Variants in FAM200B observed in about 807,000 individuals in gnomAD.
FAM200B encodes protein FAM200B.
A neutral mutation model predicts 33.1 loss-of-function variants in FAM200B; 32 were observed. The observed-to-expected ratio is 0.97, with a 90% CI of 0.73 to 1.30. The LOEUF (loss-of-function observed/expected upper bound fraction) is 1.30, where lower values mean the gene tolerates loss of function less well. Among genes scored for constraint, FAM200B ranks in the 50% most tolerant of loss-of-function variants. The pLI is 0.00. For missense variants in FAM200B, 741 were observed against 754.0 expected, an observed-to-expected ratio of 0.98 and a Z score of 0.20; for synonymous variants, 240 against 264.8, an observed-to-expected ratio of 0.91 and a Z score of 0.91.
At chr4:15,645,114 A>G in the FAM200B span, among the ~76,000 whole-genome samples, 1 of 152,096 alleles carries the variant, frequency 6.6e-6, no homozygotes, top group Non-Finnish European at 1.5e-5. Context: ...GGGAAAAGCT[A>G]CTAACACCAT....
the FAM200B span, among the ~76,000 whole-genome samples, chr4:15,671,669 C>T: frequency 6.6e-6 from 1 of 152,108 alleles, no homozygotes; most frequent in Non-Finnish European, 1.5e-5. Context: ...ATCATTTCTT[C>T]AAATACTTTG....
At chr4:15,659,083 TA>T in the FAM200B span, among the ~76,000 whole-genome samples, 1 of 152,198 alleles carries the variant, frequency 6.6e-6, no homozygotes, top group Non-Finnish European at 1.5e-5. Context: ...GTGCTTTAAC[TA>T]AATAATATAT....
the FAM200B span, among the ~76,000 whole-genome samples, chr4:15,661,382 GT>G: frequency 5.3e-5 from 8 of 152,176 alleles, no homozygotes; most frequent in African/African-American, 1.9e-4. Flanking sequence ...AGAACTAAGT[GT>G]TTTATGGAAT....
At chr4:15,638,454 A>G in the FAM200B span, 11 of 1,324,266 alleles carry the variant, frequency 8.3e-6, no homozygotes, top group Non-Finnish European at 1.1e-5. Flanking sequence ...CATATCAGTA[A>G]GATGTCAATG....
At chr4:15,640,203 G>C in the FAM200B span, among the ~76,000 whole-genome samples, 531 of 152,010 alleles carry the variant, frequency 3.5e-3, 6 homozygotes, top group African/African-American at 0.012. Flanking sequence ...ACCATGCCCA[G>C]CTGATTTTTT....
At chr4:15,685,607 A>G (rs1249906965) in intron 1 of FAM200B, among the ~76,000 whole-genome samples, 2 of 152,144 alleles carry the variant, frequency 1.3e-5, no homozygotes, top group African/African-American at 4.8e-5. Context: ...TGGGAGAGGT[A>G]GTACCTCTCC....
chr4:15,652,698 A>T, the FAM200B span, among the ~76,000 whole-genome samples: 6 of 152,206 alleles, frequency 3.9e-5, no homozygotes, highest in African/African-American at 1.4e-4. Context: ...GGTTTACTTG[A>T]TGCTAGTAAA....
At chr4:15,647,239 A>G in the FAM200B span, among the ~76,000 whole-genome samples, 1 of 133,494 alleles carries the variant, frequency 7.5e-6, no homozygotes, top group Non-Finnish European at 1.6e-5. Flanking sequence ...AAAAAAAAAA[A>G]AAAAGAAAGA....
the FAM200B span, among the ~76,000 whole-genome samples, chr4:15,650,803 T>C: frequency 6.6e-5 from 10 of 151,892 alleles, no homozygotes; most frequent in African/African-American, 2.4e-4. Flanking sequence ...CAGCTAATTT[T>C]TGTATTTTTA....
the FAM200B span, among the ~76,000 whole-genome samples, chr4:15,652,753 T>C: frequency 1.1e-4 from 17 of 152,338 alleles, no homozygotes; most frequent in East Asian, 3.9e-4. Context: ...AAGTTCAATA[T>C]TGAAAATAGT....
the FAM200B span, chr4:15,640,670 G>A: frequency 1.7e-5 from 8 of 483,178 alleles, no homozygotes; most frequent in East Asian, 1.7e-4. Flanking sequence ...AAAGAACTGC[G>A]TTCTTCTCTC....
At position 15,688,622 on chromosome 4, in the gene FAM200B, A is replaced by G; in HGVS notation, c.1645A>G (p.Ile549Val). The G allele has an allele frequency of 6.4e-7, 1 of 1,551,226 alleles. No individual in the cohort carries two copies. Among genetic ancestry groups the G allele is most frequent in the Non-Finnish European group, 8.7e-7 (1 of 1,146,594 alleles). Residue 549 changes from isoleucine (I) to valine (V), a missense_variant, in exon 2 of 2, where the codon ATA becomes GTA. Transcript: ENST00000422728. Reference protein sequence around the residue: ...DPFAFRHPESIIELNLVPEEE... With the variant: ...DPFAFRHPESVIELNLVPEEE... ...ATTTGCTTTTCGACACCCTGAATCA[A>G]TAATTGAGCTAAACTTGGTGCCTGA...
the FAM200B span, among the ~76,000 whole-genome samples, chr4:15,666,107 T>C: frequency 6.6e-6 from 1 of 152,032 alleles, no homozygotes; most frequent in South Asian, 2.1e-4. Flanking sequence ...TTTAAAAATA[T>C]GAATTTTGGG....
chr4:15,640,850 G>C, the FAM200B span: 1 of 1,555,952 alleles, frequency 6.4e-7, no homozygotes, highest in South Asian at 1.2e-5. Context: ...CTCTCTTTCA[G>C]TTGTTTTGCA....
intron 1 of FAM200B, among the ~76,000 whole-genome samples, chr4:15,682,661 T>C (rs918287398): frequency 8.5e-5 from 13 of 152,264 alleles, no homozygotes; most frequent in African/African-American, 2.9e-4. Flanking sequence ...AATATGTCAC[T>C]GTTCATTGTT....
At chr4:15,638,565 G>C in the FAM200B span, 1 of 1,607,438 alleles carries the variant, frequency 6.2e-7, no homozygotes, top group East Asian at 2.2e-5. Flanking sequence ...TCTTCAGCAT[G>C]ATTCCATAGG....
the FAM200B span, among the ~76,000 whole-genome samples, chr4:15,651,563 T>A: frequency 2.6e-5 from 4 of 152,202 alleles, no homozygotes; most frequent in Admixed American, 2.6e-4. Flanking sequence ...AATAAATTGT[T>A]ACAGGTATGC....
the FAM200B span, among the ~76,000 whole-genome samples, chr4:15,674,561 A>C: frequency 1.3e-5 from 2 of 152,094 alleles, no homozygotes; most frequent in Non-Finnish European, 2.9e-5. Context: ...ATTATTACTC[A>C]TGAAACTTTC....
At position 15,688,115 on chromosome 4, in the gene FAM200B, T is replaced by C. The variant is rs566490268; in HGVS notation, c.1138T>C (p.Leu380=). Reference sequence around the variant, plus strand: ...AGAGATTGGAACTAATCATACCCACTTACTATATCATACCAAAATTCGTTG... The same window carrying C: ...AGAGATTGGAACTAATCATACCCACCTACTATATCATACCAAAATTCGTTG... The part of the protein sequence containing the change: ...CSEIGTNHTH[L]LYHTKIRWLS... Residue 380 remains leucine (L), a synonymous_variant, in exon 2 of 2, where the codon TTA becomes CTA. Transcript: ENST00000422728. 1 of 1,551,318 alleles carries C rather than the reference T, an allele frequency of 6.4e-7. No individual in the cohort carries two copies. Among genetic ancestry groups the C allele is most frequent in the Non-Finnish European group, 8.7e-7 (1 of 1,146,758 alleles).
Sources: gnomAD v4.1 joint callset for allele counts (sites outside exome capture counted in the v4.1 genomes callset) on GRCh38, gnomAD v4.1.1 for gene constraint, MANE v1.5 for transcripts, NCBI Gene and HGNC (gene_info 2026-07-23, HGNC 2026-07-21) for gene names.